Variants in SPOCK1 observed in about 807,000 individuals in gnomAD.
The protein encoded by SPOCK1 is SPARC (osteonectin), cwcv and kazal like domains proteoglycan 1.
A neutral mutation model predicts 55.3 loss-of-function variants in SPOCK1; 23 were observed. The observed-to-expected ratio is 0.42, with a 90% CI of 0.30 to 0.59. The LOEUF is 0.59. Ranked by LOEUF, SPOCK1 falls within the 20% of genes least tolerant of loss-of-function variation. The pLI, the probability that SPOCK1 is intolerant of heterozygous loss-of-function variation, is 0.22. For synonymous variants in SPOCK1, 226 were observed against 221.0 expected, an observed-to-expected ratio of 1.02 and a Z score of -0.20; for missense variants, 499 against 552.5, an observed-to-expected ratio of 0.90 and a Z score of 0.97.
intron 2 of SPOCK1, among the ~76,000 whole-genome samples, chr5:137,336,845 A>G (rs1056184438): frequency 6.6e-6 from 1 of 152,158 alleles, no homozygotes; most frequent in Non-Finnish European, 1.5e-5. Context: ...GGAATTAAAC[A>G]TTTTTTTCAG....
chr5:137,318,947 A>C (rs1267486682), intron 2 of SPOCK1, among the ~76,000 whole-genome samples: 1 of 152,220 alleles, frequency 6.6e-6, no homozygotes, highest in South Asian at 2.1e-4. Context: ...GCTCAGTGAC[A>C]GAAGACGTTT....
chr5:137,324,784 A>T (rs1758045384), intron 2 of SPOCK1, among the ~76,000 whole-genome samples: 1 of 150,370 alleles, frequency 6.7e-6, no homozygotes, highest in Non-Finnish European at 1.5e-5. Flanking sequence ...TTTTTTAACC[A>T]CAATTAGGAA....
At chr5:137,255,093 T>C (rs1285871692) in intron 3 of SPOCK1, among the ~76,000 whole-genome samples, 2 of 152,224 alleles carry the variant, frequency 1.3e-5, no homozygotes, top group African/African-American at 2.4e-5. Context: ...AGTTAACTTA[T>C]AGAACTGTAC....
At chr5:137,227,021 C>G (rs1755959559) in intron 3 of SPOCK1, among the ~76,000 whole-genome samples, 1 of 152,194 alleles carries the variant, frequency 6.6e-6, no homozygotes, top group African/African-American at 2.4e-5. Flanking sequence ...TGTTATCCAT[C>G]TGCAAAATGA....
intron 6 of SPOCK1, among the ~76,000 whole-genome samples, chr5:137,038,831 C>A (rs1752320876): frequency 6.6e-6 from 1 of 152,106 alleles, no homozygotes; most frequent in Admixed American, 6.6e-5. Flanking sequence ...TCAAGTTTCA[C>A]CCCTAGAAGG....
intron 3 of SPOCK1, among the ~76,000 whole-genome samples, chr5:137,158,919 G>A (rs1754472929): frequency 6.6e-6 from 1 of 152,192 alleles, no homozygotes; most frequent in Non-Finnish European, 1.5e-5. Flanking sequence ...AGGCTCCACA[G>A]GGGAAATATG....
intron 5 of SPOCK1, among the ~76,000 whole-genome samples, chr5:137,102,049 A>G (rs775891171): frequency 5.9e-5 from 9 of 152,344 alleles, no homozygotes; most frequent in African/African-American, 9.6e-5. Context: ...ATAGCATTTA[A>G]TGAGGCTAAC....
At chr5:136,984,118 T>C (rs1005434504) in intron 9 of SPOCK1, among the ~76,000 whole-genome samples, 3 of 152,166 alleles carry the variant, frequency 2.0e-5, no homozygotes, top group Non-Finnish European at 4.4e-5. Flanking sequence ...ACCAGAAATA[T>C]ATCTTTATGT....
chr5:137,410,175 T>G (rs539964330), intron 2 of SPOCK1, among the ~76,000 whole-genome samples: 1 of 152,370 alleles, frequency 6.6e-6, no homozygotes, highest in South Asian at 2.1e-4. Flanking sequence ...TTTATTATCA[T>G]GCTCCTGATA....
In SPOCK1 at chr5:137,037,703, G is replaced by A. The variant is rs563335746; in HGVS notation, c.589+30012C>T. ...TGTATTCCTTGAACTCATGGGAGTC[G>A]CTAACCTAAAAAAAAGTTTCCTGAT... On this transcript the variant is annotated intron_variant, in intron 6 of 10. Coordinates refer to ENST00000394945, the MANE Select transcript of SPOCK1 (RefSeq NM_004598.4). Among the ~76,000 whole-genome samples the A allele has an allele frequency of 3.7e-4, 56 of 152,162 alleles. 1 individual carries two copies. The Middle Eastern group carries it at 0.02, about 55-fold the overall frequency.
chr5:137,016,686 C>T (rs563475215), intron 6 of SPOCK1, among the ~76,000 whole-genome samples: 8 of 152,114 alleles, frequency 5.3e-5, no homozygotes, highest in Non-Finnish European at 1.2e-4. Context: ...TCTAGACTTC[C>T]GGAAGGAAAC....
Position 137,318,225 on chromosome 5 carries a change from G to A in SPOCK1, c.187-51170C>T, listed in dbSNP as rs148442928. The stretch of plus-strand genomic sequence containing the variant: ...GGCGATTCTGATGAGCTGTCCCCCC[G>A]CTGCCTCCACAGTAAAGTGCTGCGC... On this transcript the variant is annotated intron_variant, in intron 2 of 10. Coordinates refer to ENST00000394945, the MANE Select transcript of SPOCK1 (RefSeq NM_004598.4). Among the ~76,000 whole-genome samples, 22 of 152,102 alleles carry A rather than the reference G, an allele frequency of 1.4e-4. 1 individual carries two copies. The East Asian group carries it at 3.1e-3, about 21-fold the overall frequency.
At chr5:137,351,265 C>A (rs1226258891) in intron 2 of SPOCK1, among the ~76,000 whole-genome samples, 1 of 152,246 alleles carries the variant, frequency 6.6e-6, no homozygotes, top group African/African-American at 2.4e-5. Flanking sequence ...CATCCGCTGA[C>A]AATGCCACTC....
chr5:137,135,321 TC>T (rs1753960685), intron 4 of SPOCK1, among the ~76,000 whole-genome samples: 1 of 151,968 alleles, frequency 6.6e-6, no homozygotes, highest in Non-Finnish European at 1.5e-5. Flanking sequence ...TGCCCCACGA[TC>T]TCCCACCCCA....
chr5:137,176,529 T>C (rs1224651870), intron 3 of SPOCK1, among the ~76,000 whole-genome samples: 1 of 148,920 alleles, frequency 6.7e-6, no homozygotes, highest in Admixed American at 6.7e-5. Context: ...TGTGTGTGTG[T>C]AGGTACATGT....
chr5:137,212,419 C>A (rs1529815), intron 3 of SPOCK1, among the ~76,000 whole-genome samples: 1 of 151,924 alleles, frequency 6.6e-6, no homozygotes, highest in Non-Finnish European at 1.5e-5. Context: ...GCAACTAATA[C>A]GTGAATGATG....
intron 2 of SPOCK1, among the ~76,000 whole-genome samples, chr5:137,396,401 G>T (rs1214683193): frequency 1.3e-5 from 2 of 152,168 alleles, no homozygotes; most frequent in Non-Finnish European, 2.9e-5. Flanking sequence ...TTAAACCTGT[G>T]GCTTCAAATG....
chr5:137,284,839 C>T (rs1466052297), intron 2 of SPOCK1, among the ~76,000 whole-genome samples: 1 of 152,116 alleles, frequency 6.6e-6, no homozygotes, highest in African/African-American at 2.4e-5. Flanking sequence ...GTGAGGGAAG[C>T]TCTGGGAACT....
intron 2 of SPOCK1, among the ~76,000 whole-genome samples, chr5:137,360,201 A>C (rs1750911715): frequency 6.6e-6 from 1 of 152,250 alleles, no homozygotes; most frequent in Non-Finnish European, 1.5e-5. Context: ...GAAACACATA[A>C]AAACAAACAC....
Sources: gnomAD v4.1 joint callset for allele counts (sites outside exome capture counted in the v4.1 genomes callset) on GRCh38, gnomAD v4.1.1 for gene constraint, MANE v1.5 for transcripts, NCBI Gene and HGNC (gene_info 2026-07-23, HGNC 2026-07-21) for gene names.